The following PDE1C variants were observed in gnomAD, a reference collection of about 807,000 sequenced individuals.
PDE1C encodes the protein dual specificity calcium/calmodulin-dependent 3',5'-cyclic nucleotide phosphodiesterase 1C.
In PDE1C, 62 loss-of-function variants were observed where a neutral mutation model predicts 93.1. That is an observed-to-expected ratio of 0.67 (90% CI 0.54 to 0.82). The LOEUF is 0.82. Ranked by LOEUF, PDE1C falls within the 40% of genes least tolerant of loss-of-function variation. The pLI, the probability that PDE1C is intolerant of heterozygous loss-of-function variation, is 0.00. For synonymous variants in PDE1C, 325 were observed against 310.1 expected, an observed-to-expected ratio of 1.05 and a Z score of -0.50; for missense variants, 742 against 884.6, an observed-to-expected ratio of 0.84 and a Z score of 2.04.
intron 2 of PDE1C, among the ~76,000 whole-genome samples, chr7:31,984,082 T>C (rs1412961769): frequency 6.9e-6 from 1 of 144,428 alleles, no homozygotes; most frequent in African/African-American, 2.6e-5. Flanking sequence ...GGCGGTATGA[T>C]AGAGGTGGAG....
At position 32,233,123 on chromosome 7, in the gene PDE1C, T is replaced by G. The variant is rs181210870; in HGVS notation, c.86-23584A>C. On this transcript the variant is annotated intron_variant, in intron 1 of 18. Coordinates refer to the PDE1C transcript ENST00000396193. ...ATGACAAACACTTTAAAGCAGCTAT[T>G]ATGAAAATACTCCAAAAAAAGAAGG... 4.3e-4 allele frequency among the ~76,000 whole-genome samples: 66 copies of G among 152,220 alleles called. 1 individual carries two copies. In the East Asian group the frequency reaches 8.5e-3, roughly 20 times the overall value.
the PDE1C span, among the ~76,000 whole-genome samples, chr7:31,650,139 T>G: frequency 7.9e-5 from 12 of 152,332 alleles, no homozygotes; most frequent in African/African-American, 2.6e-4. Context: ...AAGGAGTGGC[T>G]CTCAGGTCCT....
chr7:31,655,706 T>C, the PDE1C span: 1 of 985,474 alleles, frequency 1.0e-6, no homozygotes, highest in Non-Finnish European at 1.2e-6. Context: ...CCAGCCAAAT[T>C]GACTCCTGAT....
intron 17 of PDE1C, among the ~76,000 whole-genome samples, chr7:31,762,063 T>C (rs1372866281): frequency 6.6e-6 from 1 of 152,236 alleles, no homozygotes; most frequent in Non-Finnish European, 1.5e-5. Context: ...ATTTAGGAAC[T>C]ATCTAGAAGA....
Position 32,005,578 on chromosome 7 carries a change from A to AAAACAAAAAAC in PDE1C, c.128+45975_128+45976insGTTTTTTGTTT, listed in dbSNP as rs1204630246. On this transcript the variant is annotated intron_variant, in intron 2 of 17. Transcript: ENST00000396191. ...TTCAAAAAAAAAAAAAAAAAAAAAA[A>AAAACAAAAAAC]AAAGAATTGTGATCTGAGAAATCAC... Among the ~76,000 whole-genome samples, 2 of 103,716 alleles carry AAAACAAAAAAC rather than the reference A, an allele frequency of 1.9e-5. 1 individual carries two copies. Among genetic ancestry groups the AAAACAAAAAAC allele is most frequent in the Non-Finnish European group, 4.0e-5 (2 of 49,900 alleles). The allele number at this position is 103,716 out of a possible 152,430, so 68.0% of individuals were successfully genotyped here.
intron 3 of PDE1C, among the ~76,000 whole-genome samples, chr7:32,112,842 GTGTGTATATATATATATATATATA>G (rs1465735102): frequency 5.9e-5 from 3 of 50,668 alleles, no homozygotes; most frequent in African/African-American, 2.8e-4. Context: ...GTGTGTGTGT[GTGTGTATATATATATATATATATA>G]TATATATCTC....
intron 3 of PDE1C, among the ~76,000 whole-genome samples, chr7:32,114,265 A>G (rs888828832): frequency 1.3e-5 from 2 of 152,218 alleles, no homozygotes; most frequent in Admixed American, 6.5e-5. Flanking sequence ...TACTGCTACA[A>G]AAACAGACAT....
the PDE1C span, among the ~76,000 whole-genome samples, chr7:31,722,564 G>A: frequency 6.6e-6 from 1 of 152,206 alleles, no homozygotes; most frequent in African/African-American, 2.4e-5. Flanking sequence ...AAGGGAGCCT[G>A]ACCTATCTGA....
At chr7:32,412,690 A>G (rs1414719116) in intron 1 of PDE1C, among the ~76,000 whole-genome samples, 1 of 67,264 alleles carries the variant, frequency 1.5e-5, no homozygotes, top group Non-Finnish European at 2.8e-5. Flanking sequence ...ATACATATGC[A>G]GTCCATCATT....
At chr7:32,169,771 G>A (rs1260083653) in intron 3 of PDE1C, 1 of 1,609,400 alleles carries the variant, frequency 6.2e-7, no homozygotes, top group Non-Finnish European at 8.5e-7. Context: ...ACATTGAGTT[G>A]CAATCCACCA....
At chr7:31,782,680 A>C (rs1783521141) in intron 16 of PDE1C, among the ~76,000 whole-genome samples, 2 of 152,222 alleles carry the variant, frequency 1.3e-5, no homozygotes, top group South Asian at 4.1e-4. Flanking sequence ...ATCCCCACAA[A>C]GGGGAGTAAT....
At chr7:32,242,692 G>A (rs936514332) in intron 1 of PDE1C, among the ~76,000 whole-genome samples, 4 of 152,178 alleles carry the variant, frequency 2.6e-5, no homozygotes, top group African/African-American at 9.7e-5. Context: ...GGCTTCTAAG[G>A]AGGATGCAAG....
At chr7:31,908,561 C>T (rs1800868916) in intron 2 of PDE1C, among the ~76,000 whole-genome samples, 1 of 152,176 alleles carries the variant, frequency 6.6e-6, no homozygotes, top group African/African-American at 2.4e-5. Context: ...AAGTCCATGA[C>T]CTCCAGGAAT....
intron 2 of PDE1C, among the ~76,000 whole-genome samples, chr7:32,041,159 C>T (rs1791756663): frequency 6.6e-6 from 1 of 152,134 alleles, no homozygotes; most frequent in Non-Finnish European, 1.5e-5. Flanking sequence ...ATTCCAGGCT[C>T]ACAAGAACCC....
chr7:31,838,583 A>G (rs1791412231), intron 9 of PDE1C, among the ~76,000 whole-genome samples: 1 of 152,162 alleles, frequency 6.6e-6, no homozygotes, highest in Admixed American at 6.5e-5. Context: ...GTACAGTTCT[A>G]CCAGTTTTGA....
At chr7:32,358,809 TC>T (rs1261175262) in intron 1 of PDE1C, among the ~76,000 whole-genome samples, 6 of 151,622 alleles carry the variant, frequency 4.0e-5, no homozygotes, top group Non-Finnish European at 1.5e-5. Context: ...GGGATTTCGA[TC>T]CAGCATTCCA....
the PDE1C span, chr7:31,652,652 T>A: frequency 6.2e-7 from 1 of 1,613,906 alleles, no homozygotes; most frequent in Non-Finnish European, 8.5e-7. Flanking sequence ...CTGTGTTTCC[T>A]CCCGATGATG....
the PDE1C span, among the ~76,000 whole-genome samples, chr7:31,638,846 A>G: frequency 0.16 from 24,382 of 152,078 alleles, 2,376 homozygotes; most frequent in East Asian, 0.3. Context: ...ACCCAATCTC[A>G]GCTTACTACA....
intron 7 of PDE1C, among the ~76,000 whole-genome samples, chr7:31,861,198 G>A (rs1366576266): frequency 2.0e-5 from 3 of 152,070 alleles, no homozygotes; most frequent in African/African-American, 7.2e-5. Flanking sequence ...CTCTTTCCAT[G>A]GCTTCCATGG....
Sources: gnomAD v4.1 joint callset for allele counts (sites outside exome capture counted in the v4.1 genomes callset) on GRCh38, gnomAD v4.1.1 for gene constraint, MANE v1.5 for transcripts, NCBI Gene and HGNC (gene_info 2026-07-23, HGNC 2026-07-21) for gene names.